Variants in AMPH observed in about 807,000 individuals in gnomAD.
The protein encoded by AMPH is amphiphysin (Stiff-Mann syndrome with breast cancer 128kD autoantigen).
A neutral mutation model predicts 99.1 loss-of-function variants in AMPH; 49 were observed. The ratio of observed to expected loss-of-function variants is 0.49; its 90% CI spans 0.39 to 0.63. The LOEUF (loss-of-function observed/expected upper bound fraction) is 0.63, where lower values mean the gene tolerates loss of function less well. AMPH is among the 20% of genes least tolerant of loss of function. The probability of loss-of-function intolerance (pLI) is 0.00; values close to 1 mark genes in which losing one functional copy is unlikely to be tolerated. For synonymous variants in AMPH, 314 were observed against 317.3 expected (o/e 0.99, Z 0.11); for missense variants, 759 against 863.4 (o/e 0.88, Z 1.52).
At chr7:38,490,106 T>C (rs930183586) in intron 5 of AMPH, among the ~76,000 whole-genome samples, 3 of 152,170 alleles carry the variant, frequency 2.0e-5, no homozygotes, top group Non-Finnish European at 4.4e-5. Flanking sequence ...CTAATCAAAA[T>C]TATCTGAAGA....
At chr7:38,398,107 A>C (rs1304538720) in intron 17 of AMPH, among the ~76,000 whole-genome samples, 1 of 114,294 alleles carries the variant, frequency 8.7e-6, no homozygotes, top group Non-Finnish European at 1.8e-5. Context: ...GAGGTTCCTC[A>C]AAAAAAAAAA....
chr7:38,492,322 G>A (rs1342957757), intron 4 of AMPH, among the ~76,000 whole-genome samples: 1 of 152,200 alleles, frequency 6.6e-6, no homozygotes, highest in East Asian at 1.9e-4. Flanking sequence ...GCAGAAATGA[G>A]AGCTGATGGC....
intron 11 of AMPH, among the ~76,000 whole-genome samples, chr7:38,455,538 G>A (rs7803476): frequency 0.026 from 3,949 of 152,334 alleles, 75 homozygotes; most frequent in Admixed American, 0.054. Flanking sequence ...AGCACTGAAA[G>A]CAAGCAAGGA....
intron 3 of AMPH, 63 bp from the exon 4 acceptor site, chr7:38,494,590 C>T: frequency 6.9e-7 from 1 of 1,439,910 alleles, no homozygotes; most frequent in Admixed American, 1.7e-5. Flanking sequence ...TTCTCCCTTC[C>T]TCCACTTTCT....
chr7:38,619,003 C>G (rs997665707), intron 1 of AMPH, among the ~76,000 whole-genome samples: 1 of 152,070 alleles, frequency 6.6e-6, no homozygotes, highest in Non-Finnish European at 1.5e-5. Context: ...TTCAAAGACA[C>G]AAATAAGTTG....
intron 1 of AMPH, among the ~76,000 whole-genome samples, chr7:38,571,281 T>TATATATAAA (rs1562835247): frequency 2.3e-5 from 1 of 44,084 alleles, no homozygotes. Flanking sequence ...ATATATATTT[T>TATATATAAA]TATATATATT....
chr7:38,456,014 A>G (rs1176398393), intron 11 of AMPH, among the ~76,000 whole-genome samples: 1 of 152,066 alleles, frequency 6.6e-6, no homozygotes, highest in Non-Finnish European at 1.5e-5. Context: ...CCTATACTAC[A>G]CCACCTTAGA....
chr7:38,400,496 G>C (rs925738942), intron 17 of AMPH, among the ~76,000 whole-genome samples: 3 of 152,228 alleles, frequency 2.0e-5, no homozygotes, highest in African/African-American at 7.2e-5. Flanking sequence ...AAAATTTTCT[G>C]GAAATGTAAT....
chr7:38,429,649 A>G, intron 14 of AMPH, 193 bp downstream of exon 14: 9 of 1,390,842 alleles, frequency 6.5e-6, no homozygotes, highest in Non-Finnish European at 6.7e-6. Context: ...GTAAGATTTG[A>G]TGAGAAACAC....
At chr7:38,385,638 T>C (rs1189803816) in intron 20 of AMPH, among the ~76,000 whole-genome samples, 1 of 152,230 alleles carries the variant, frequency 6.6e-6, no homozygotes, top group African/African-American at 2.4e-5. Flanking sequence ...CTATATCCTT[T>C]ATAAATTATT....
intron 1 of AMPH, among the ~76,000 whole-genome samples, chr7:38,593,053 C>T (rs1027922699): frequency 5.3e-5 from 8 of 152,144 alleles, no homozygotes; most frequent in Middle Eastern, 3.2e-3. Context: ...TAAAGTTATT[C>T]AAGTAGTAAA....
chr7:38,566,932 C>T (rs1791765840), intron 1 of AMPH, among the ~76,000 whole-genome samples: 1 of 152,202 alleles, frequency 6.6e-6, no homozygotes, highest in Non-Finnish European at 1.5e-5. Flanking sequence ...CGCTTTTACA[C>T]TGTTGGTGGG....
chr7:38,621,943 G>A (rs1794083571), intron 1 of AMPH, among the ~76,000 whole-genome samples: 1 of 152,174 alleles, frequency 6.6e-6, no homozygotes, highest in Non-Finnish European at 1.5e-5. Flanking sequence ...TAAGAATGAT[G>A]TTTCAGCATT....
At chr7:38,449,283 G>A (rs1036761110) in intron 11 of AMPH, among the ~76,000 whole-genome samples, 3 of 152,206 alleles carry the variant, frequency 2.0e-5, no homozygotes, top group East Asian at 3.9e-4. Flanking sequence ...GCTCTCTTTC[G>A]GGTGCTTACA....
chr7:38,585,366 A>G (rs1306800720), intron 1 of AMPH, among the ~76,000 whole-genome samples: 6 of 152,146 alleles, frequency 3.9e-5, no homozygotes. Flanking sequence ...ACAGTAGGGA[A>G]TATGACTTGG....
intron 2 of AMPH, among the ~76,000 whole-genome samples, chr7:38,532,918 G>A (rs1386683731): frequency 6.6e-6 from 1 of 152,134 alleles, no homozygotes; most frequent in Non-Finnish European, 1.5e-5. Context: ...TAGCTCCATG[G>A]GGACATGCCA....
Position 38,448,800 on chromosome 7 carries a change from T to C in AMPH, c.1018-12412A>G, listed in dbSNP as rs560889256. Among the ~76,000 whole-genome samples, 5 of 152,338 alleles carry C rather than the reference T, an allele frequency of 3.3e-5. No homozygotes were observed. In the East Asian group the frequency reaches 9.6e-4, roughly 29 times the overall value. On this transcript the variant is annotated intron_variant, in intron 11 of 20. Transcript: ENST00000356264. ...TTTGCTTTATGTGCATACCTATATT[T>C]ACATAATCCTGAAATGCTCTAGGAA...
chr7:38,448,348 C>A (rs952646767), intron 11 of AMPH, among the ~76,000 whole-genome samples: 1 of 152,124 alleles, frequency 6.6e-6, no homozygotes, highest in Non-Finnish European at 1.5e-5. Context: ...CTAGTCCTTC[C>A]TTATTTGGAG....
At chr7:38,503,504 G>GT (rs58295141) in intron 3 of AMPH, 146 bp downstream of exon 3, 18 of 512,782 alleles carry the variant, frequency 3.5e-5, no homozygotes, top group South Asian at 5.3e-5. Flanking sequence ...GCGGGGGGGT[G>GT]GGTGGTGGAA....
Sources: allele counts gnomAD v4.1 joint callset (sites outside exome capture counted in the v4.1 genomes callset), GRCh38; gene constraint gnomAD v4.1.1; transcripts MANE v1.5; gene names NCBI Gene and HGNC (gene_info 2026-07-23, HGNC 2026-07-21).